Variants in AGBL4 observed in about 807,000 individuals in gnomAD.
AGBL4 encodes cytosolic carboxypeptidase 6.
A neutral mutation model predicts 66.4 loss-of-function variants in AGBL4; 58 were observed. The observed-to-expected ratio is 0.87, with a 90% CI of 0.71 to 1.09. The LOEUF is 1.09. AGBL4 is among the 50% of genes least tolerant of loss of function. The pLI is 0.00. For synonymous variants in AGBL4, 234 were observed against 222.9 expected (o/e 1.05, Z -0.44); for missense variants, 579 against 631.0 (o/e 0.92, Z 0.88).
At chr1:49,151,309 TAC>T (rs988102994) in intron 4 of AGBL4, among the ~76,000 whole-genome samples, 20 of 150,086 alleles carry the variant, frequency 1.3e-4, no homozygotes, top group Admixed American at 9.3e-4. Flanking sequence ...TGTATATGTA[TAC>T]ACACACACAT....
At chr1:49,621,950 TCA>T (rs1369994147) in intron 3 of AGBL4, among the ~76,000 whole-genome samples, 8 of 152,198 alleles carry the variant, frequency 5.3e-5, no homozygotes, top group Admixed American at 5.2e-4. Context: ...TCTCCATCTG[TCA>T]CATTCTCATC....
chr1:49,342,570 G>A (rs1645562028), intron 3 of AGBL4, among the ~76,000 whole-genome samples: 1 of 152,134 alleles, frequency 6.6e-6, no homozygotes, highest in South Asian at 2.1e-4. Context: ...CACAGTTAAG[G>A]CCTAAAAGTT....
intron 4 of AGBL4, among the ~76,000 whole-genome samples, chr1:49,216,523 C>T (rs1277583710): frequency 6.6e-6 from 1 of 152,116 alleles, no homozygotes; most frequent in Non-Finnish European, 1.5e-5. Flanking sequence ...GTTCTCTGTT[C>T]CTATATTAAT....
chr1:49,460,622 TCTATTCATCATG>T (rs1375713142), intron 3 of AGBL4, among the ~76,000 whole-genome samples: 5 of 151,718 alleles, frequency 3.3e-5, no homozygotes, highest in African/African-American at 1.2e-4. Context: ...GAGGTGCTAT[TCTATTCATCATG>T]CTATTTGTTG....
At position 49,146,837 on chromosome 1, in the gene AGBL4, T is replaced by G. The variant is rs144693153; in HGVS notation, c.377+98933A>C. Among the ~76,000 whole-genome samples, 41 of 152,322 alleles carry G rather than the reference T, an allele frequency of 2.7e-4. 1 individual carries two copies. In the East Asian group the frequency reaches 7.9e-3, roughly 29 times the overall value. The stretch of plus-strand genomic sequence containing the variant: ...CATTCTTCTGCCTCATCCATCATCA[T>G]TACAGCCAACCCAAACATCTGATTA... On this transcript the variant is annotated intron_variant, in intron 4 of 13. Coordinates refer to ENST00000371839, the MANE Select transcript of AGBL4 (RefSeq NM_032785.4).
chr1:49,113,475 A>G (rs941891760), intron 4 of AGBL4, among the ~76,000 whole-genome samples: 1 of 151,892 alleles, frequency 6.6e-6, no homozygotes, highest in Non-Finnish European at 1.5e-5. Flanking sequence ...CTGTTCTTGA[A>G]CACTTGACCT....
chr1:49,619,812 CACCACACAT>C (rs1323968742), intron 3 of AGBL4, among the ~76,000 whole-genome samples: 1 of 152,026 alleles, frequency 6.6e-6, no homozygotes, highest in Non-Finnish European at 1.5e-5. Context: ...TCAGAAATAA[CACCACACAT>C]CTACAACCAT....
intron 2 of AGBL4, among the ~76,000 whole-genome samples, chr1:49,768,743 C>G (rs944137367): frequency 6.6e-6 from 1 of 152,168 alleles, no homozygotes; most frequent in East Asian, 1.9e-4. Flanking sequence ...TTTCTCTTCA[C>G]TGCTAATGTA....
intron 5 of AGBL4, among the ~76,000 whole-genome samples, chr1:48,917,241 A>T (rs2148887888): frequency 6.6e-6 from 1 of 151,988 alleles, no homozygotes; most frequent in African/African-American, 2.4e-5. Context: ...ATTTAAAATT[A>T]TTATTTATAA....
chr1:48,657,626 G>A (rs1384159850), intron 7 of AGBL4, among the ~76,000 whole-genome samples: 1 of 152,186 alleles, frequency 6.6e-6, no homozygotes, highest in African/African-American at 2.4e-5. Flanking sequence ...CAGCGGCCAA[G>A]GTTCAGAGAG....
At chr1:49,735,331 GTGTA>G (rs1649794723) in intron 2 of AGBL4, among the ~76,000 whole-genome samples, 1 of 148,142 alleles carries the variant, frequency 6.8e-6, no homozygotes, top group African/African-American at 2.5e-5. Context: ...GTGTGTGTGT[GTGTA>G]GAGAGAGAGA....
rs115235607 is a variant in AGBL4 at position 49,692,901 on chromosome 1, G to A, written c.282+4412C>T. Among the ~76,000 whole-genome samples, 1,146 of 152,032 alleles carry A rather than the reference G, an allele frequency of 7.5e-3. 11 individuals are homozygous for A. The highest frequency in any genetic ancestry group is 0.024 in the Middle Eastern group (7 of 294). On this transcript the variant is annotated intron_variant, in intron 3 of 13. Coordinates refer to ENST00000371839, the MANE Select transcript of AGBL4 (RefSeq NM_032785.4). The stretch of plus-strand genomic sequence containing the variant: ...AAATCTCCTATTACATACATCAGAC[G>A]ACAATCTATTGGCAATCCCAGGTAA...
intron 3 of AGBL4, among the ~76,000 whole-genome samples, chr1:49,505,985 G>T (rs1165151216): frequency 2.6e-5 from 4 of 151,420 alleles, no homozygotes; most frequent in African/African-American, 9.7e-5. Context: ...ATCATTTCTG[G>T]TGTTGATACT....
At chr1:49,364,870 A>T (rs190920413) in intron 3 of AGBL4, among the ~76,000 whole-genome samples, 1 of 152,348 alleles carries the variant, frequency 6.6e-6, no homozygotes, top group Non-Finnish European at 1.5e-5. Context: ...GTGAGTAATG[A>T]AGGAGGAATC....
intron 3 of AGBL4, among the ~76,000 whole-genome samples, chr1:49,683,696 C>T (rs1290797043): frequency 1.3e-5 from 2 of 152,046 alleles, no homozygotes; most frequent in African/African-American, 4.8e-5. Flanking sequence ...GTGAGCTAGA[C>T]AAAGTGAGAA....
chr1:49,398,598 CAGG>C (rs779280233), intron 3 of AGBL4, among the ~76,000 whole-genome samples: 1 of 152,126 alleles, frequency 6.6e-6, no homozygotes, highest in South Asian at 2.1e-4. Context: ...TTGTGTTTCT[CAGG>C]AGAACACTGA....
intron 9 of AGBL4, among the ~76,000 whole-genome samples, chr1:48,626,516 C>T (rs964758760): frequency 1.3e-5 from 2 of 152,246 alleles, no homozygotes; most frequent in Non-Finnish European, 2.9e-5. Flanking sequence ...TTCTGCCCAT[C>T]AGTGGATCAA....
chr1:49,353,910 CT>C (rs1348224479), intron 3 of AGBL4, among the ~76,000 whole-genome samples: 1 of 152,160 alleles, frequency 6.6e-6, no homozygotes, highest in East Asian at 1.9e-4. Flanking sequence ...CCCAATCATC[CT>C]GCTGAGAGCC....
chr1:49,431,991 T>C (rs1398877909), intron 3 of AGBL4, among the ~76,000 whole-genome samples: 1 of 152,140 alleles, frequency 6.6e-6, no homozygotes, highest in Admixed American at 6.6e-5. Flanking sequence ...CCAATAATTT[T>C]TCCTAGGCCT....
Sources: allele counts gnomAD v4.1 joint callset (sites outside exome capture counted in the v4.1 genomes callset), GRCh38; gene constraint gnomAD v4.1.1; transcripts MANE v1.5; gene names NCBI Gene and HGNC (gene_info 2026-07-23, HGNC 2026-07-21).